MYCBP2: variants seen among roughly 807,000 people sequenced by gnomAD.
MYCBP2 encodes the protein MYC binding protein 2.
Under a neutral mutation model 525.3 loss-of-function variants are expected in MYCBP2, and 120 were observed. The observed-to-expected ratio is 0.23, with a 90% CI of 0.20 to 0.27. The LOEUF is 0.27. MYCBP2 is among the 10% of genes least tolerant of loss of function. The pLI is 1.00. For synonymous variants in MYCBP2, 1,894 were observed against 1,955.8 expected (o/e 0.97, Z 0.83); for missense variants, 4,149 against 5,657.1 (o/e 0.73, Z 8.55).
At chr13:77,069,290 A>C (rs919490758) in intron 69 of MYCBP2, among the ~76,000 whole-genome samples, 2 of 152,234 alleles carry the variant, frequency 1.3e-5, no homozygotes, top group African/African-American at 4.8e-5. Context: ...GCAAAAATAA[A>C]TTCATGTTGT....
At position 77,211,233 on chromosome 13, in the gene MYCBP2, T is replaced by A; in HGVS notation, c.3350A>T (p.Asp1117Val). The A allele has an allele frequency of 6.4e-7, 1 of 1,553,314 alleles. No individual in the cohort carries two copies. Among genetic ancestry groups the A allele is most frequent in the Non-Finnish European group, 8.7e-7 (1 of 1,146,714 alleles). Residue 1117 changes from aspartate (D) to valine (V), a missense_variant, in exon 23 of 83, where the codon GAC becomes GTC. Coordinates refer to ENST00000544440, the MANE Select transcript of MYCBP2 (RefSeq NM_015057.5). ...TCCTTGCAGATCCTCTTGTTCTGAG[T>A]CATTAAAAGTTTTACAACTCCCATC... Reference protein sequence around the residue: ...KVDGSCKTFNDSEQEDLQGFG... With the variant: ...KVDGSCKTFNVSEQEDLQGFG...
intron 14 of MYCBP2, among the ~76,000 whole-genome samples, chr13:77,254,002 G>A (rs1401540060): frequency 6.6e-6 from 1 of 151,784 alleles, no homozygotes; most frequent in African/African-American, 2.4e-5. Context: ...CCATCAACAG[G>A]AGAATGGATA....
At position 77,181,833 on chromosome 13, in the gene MYCBP2, A is replaced by G. The variant is rs1457904489; in HGVS notation, c.4809T>C (p.Thr1603=). 1.9e-6 allele frequency: 3 copies of G among 1,613,968 alleles called. No homozygotes were observed. The African/African-American group carries it at 4.0e-5, about 22-fold the overall frequency. The part of the protein sequence containing the change: ...SALCHTSVKL[T]SIFPIAYDGE... ...CATCATACGCAATCGGGAAGATGGA[A>G]GTCAGCTTAACAGACGTGTGACACA... The change falls in exon 33 of 83, where the codon ACT becomes ACC. Residue 1603 remains threonine (T), a synonymous_variant. Transcript: ENST00000544440.
intron 2 of MYCBP2, among the ~76,000 whole-genome samples, chr13:77,292,527 A>C (rs111705515): frequency 0.011 from 1,041 of 94,260 alleles, 6 homozygotes; most frequent in African/African-American, 0.026. Flanking sequence ...AAGACACCAG[A>C]TTTAAAAAAA....
chr13:77,087,353 AT>A, intron 62 of MYCBP2, 130 bp downstream of exon 62: 1 of 784,344 alleles, frequency 1.3e-6, no homozygotes, highest in Non-Finnish European at 2.0e-6. Context: ...TACTTTGCCC[AT>A]AGCACTAAAA....
chr13:77,090,049 A>AT, intron 60 of MYCBP2, 57 bp downstream of exon 60: 2 of 1,408,458 alleles, frequency 1.4e-6, no homozygotes, highest in Non-Finnish European at 1.9e-6. Flanking sequence ...AAATAAAACA[A>AT]TTTTTTTATT....
At position 77,097,433 on chromosome 13, in the gene MYCBP2, A is replaced by G; in HGVS notation, c.9721T>C (p.Cys3241Arg). Residue 3241 changes from cysteine to arginine, a missense_variant, in exon 56 of 83, where the codon TGT (cysteine) becomes CGT (arginine). By Grantham distance (180) the Cys-to-Arg change is radical. Around this residue, in one of 21 missense-constraint regions of MYCBP2, gnomAD observed 26 missense variants for 48.2 expected, o/e 0.54. Coordinates refer to ENST00000544440, the MANE Select transcript of MYCBP2 (RefSeq NM_015057.5). ...AVGGPEKDTI[C>R]ELCGESHPYP... Reference sequence around the variant, plus strand: ...GGATGTGACTCCCCACACAGTTCACAGATGGTATCTTTCTCTGGTCCTCCT... The same window carrying G: ...GGATGTGACTCCCCACACAGTTCACGGATGGTATCTTTCTCTGGTCCTCCT... 6.2e-7 allele frequency: 1 copy of G among 1,613,668 alleles called. No individual in the cohort carries two copies. The highest frequency in any genetic ancestry group is 8.5e-7 in the Non-Finnish European group (1 of 1,179,776).
intron 55 of MYCBP2, chr13:77,109,592 A>T (rs2048436511): frequency 6.6e-6 from 1 of 152,188 alleles, no homozygotes; most frequent in Non-Finnish European, 1.5e-5. Flanking sequence ...AGGGATTTAA[A>T]CTATAAAATA....
At chr13:77,180,041 C>A in intron 34 of MYCBP2, 86 bp downstream of exon 34, 1 of 1,164,132 alleles carries the variant, frequency 8.6e-7, no homozygotes, top group Non-Finnish European at 1.2e-6. Context: ...AATTAGCTTC[C>A]ACAAAGCCAA....
chr13:77,112,578 AC>A (rs1359063656), intron 55 of MYCBP2, among the ~76,000 whole-genome samples: 1 of 151,660 alleles, frequency 6.6e-6, no homozygotes, highest in East Asian at 1.9e-4. Context: ...GGTGTGCATC[AC>A]TATGCCCAGC....
At chr13:77,169,395 C>CAAAAAAAAAAAA (rs371575329) in intron 39 of MYCBP2, among the ~76,000 whole-genome samples, 1 of 33,812 alleles carries the variant, frequency 3.0e-5, no homozygotes, top group African/African-American at 1.2e-4. Context: ...GACTCCGTCT[C>CAAAAAAAAAAAA]AAAAAAAAAA....
Position 77,205,236 on chromosome 13 carries a change from A to G in MYCBP2, c.3843+20T>C. ...CAGTATGTTCAAACAAAAAAGGACA[A>G]CATTGTTGATGAACTTTACCTTAAT... On this transcript the variant is annotated intron_variant, in intron 26 of 82. Transcript: ENST00000544440. 1.3e-6 allele frequency: 2 copies of G among 1,535,454 alleles called. No homozygotes were observed. The highest frequency in any genetic ancestry group is 1.8e-6 in the Non-Finnish European group (2 of 1,137,662).
At chr13:77,089,956 G>A (rs945136880) in intron 60 of MYCBP2, 150 bp downstream of exon 60, 1 of 626,180 alleles carries the variant, frequency 1.6e-6, no homozygotes, top group Non-Finnish European at 2.5e-6. Context: ...TTATAGCTAT[G>A]TCATATAGAA....
intron 55 of MYCBP2, 99 bp from the exon 56 acceptor site, chr13:77,099,112 T>G: frequency 2.1e-6 from 3 of 1,432,414 alleles, no homozygotes; most frequent in Non-Finnish European, 2.8e-6. Flanking sequence ...GCTACAAAAT[T>G]TATATTGTTT....
intron 50 of MYCBP2, among the ~76,000 whole-genome samples, 174 bp downstream of exon 50, chr13:77,140,672 A>G (rs1333430807): frequency 6.6e-6 from 1 of 152,248 alleles, no homozygotes; most frequent in Admixed American, 6.5e-5. Context: ...AAAGAAGTAC[A>G]CATGCTACAA....
chr13:77,179,482 A>G (rs150612472), intron 34 of MYCBP2, among the ~76,000 whole-genome samples: 3,410 of 152,316 alleles, frequency 0.022, 68 homozygotes, highest in Middle Eastern at 0.051. Flanking sequence ...CAAAATGTAA[A>G]GGCACTTTCA....
intron 3 of MYCBP2, among the ~76,000 whole-genome samples, chr13:77,281,891 T>G (rs960893157): frequency 4.6e-5 from 7 of 152,220 alleles, no homozygotes; most frequent in African/African-American, 1.7e-4. Flanking sequence ...TAAAATCACT[T>G]CCTATACTTT....
rs142034972 is a variant in MYCBP2 at position 77,067,657 on chromosome 13, T to C, written c.12379A>G (p.Thr4127Ala). ...LTVQLKAKGT[T>A]ITGTAGTTVG... ...GTGGTACCAGCTGTTCCAGTGATGG[T>C]GGTTCCTTTGGCTTTTAGCTGTACA... Residue 4127 changes from threonine to alanine, a missense_variant, in exon 71 of 83, where the codon ACC becomes GCC. Thr to Ala is a moderately conservative substitution (Grantham distance 58). Transcript: ENST00000544440. 1.2e-4 allele frequency: 186 copies of C among 1,614,190 alleles called. 2 individuals carry two copies. In the Admixed American group the frequency reaches 3.0e-3, roughly 26 times the overall value.
At chr13:77,115,525 G>A (rs925690191) in intron 55 of MYCBP2, among the ~76,000 whole-genome samples, 9 of 151,350 alleles carry the variant, frequency 5.9e-5, no homozygotes, top group Admixed American at 2.0e-4. Context: ...TAATTTCTAC[G>A]TATATAAAAT....
Sources: gnomAD v4.1 joint callset for allele counts (sites outside exome capture counted in the v4.1 genomes callset) on GRCh38, gnomAD v4.1.1 for gene constraint, gnomAD v4.1.1 regional missense constraint, MANE v1.5 for transcripts, NCBI Gene and HGNC (gene_info 2026-07-23, HGNC 2026-07-21) for gene names.